Variants in MACF1 observed in about 807,000 individuals in gnomAD.
The protein encoded by MACF1 is microtubule actin crosslinking factor 1.
MACF1 carries 193 observed loss-of-function variants against 854.8 expected under a neutral mutation model. That is an observed-to-expected ratio of 0.23 (90% confidence interval 0.20 to 0.25). The LOEUF is 0.25. MACF1 is among the 10% of genes least tolerant of loss of function. MACF1 has a pLI of 1.00. For missense variants in MACF1, 7,722 were observed against 8,929.1 expected, an observed-to-expected ratio of 0.86 and a Z score of 5.45; for synonymous variants, 3,185 against 3,226.7, an observed-to-expected ratio of 0.99 and a Z score of 0.44.
At chr1:39,186,151 G>A (rs1172449461) in intron 2 of MACF1, among the ~76,000 whole-genome samples, 1 of 148,704 alleles carries the variant, frequency 6.7e-6, no homozygotes, top group South Asian at 2.1e-4. Flanking sequence ...GAATCCATGT[G>A]GGGGCTGGGA....
At chr1:39,419,245 C>G (rs1451773105) in intron 58 of MACF1, among the ~76,000 whole-genome samples, 2 of 152,132 alleles carry the variant, frequency 1.3e-5, no homozygotes, top group African/African-American at 2.4e-5. Context: ...GATACAAATA[C>G]CCATTGTCCC....
intron 56 of MACF1, among the ~76,000 whole-genome samples, chr1:39,383,808 C>T (rs112994234): frequency 0.056 from 8,428 of 151,286 alleles, 302 homozygotes; most frequent in African/African-American, 0.098. Flanking sequence ...ACTCGGGAGG[C>T]GAAGCTGACA....
In MACF1 at chr1:39,454,964, T is replaced by C; in HGVS notation, c.20942T>C (p.Leu6981Pro). ...CGTCTTGAAACGGCCTTGTCAGAAC[T>C]GGTGGCTAATGCTGAGCTCCTGGAA... ...QQRLETALSE[L>P]VANAELLEEL... is the part of the protein sequence containing the mutation. The change falls in exon 89 of 101, where the codon CTG becomes CCG. Residue 6981 changes from leucine (L) to proline (P), a missense_variant. Physicochemically the swap from Leu to Pro is moderately conservative, Grantham distance 98. Coordinates refer to ENST00000564288, the MANE Select transcript of MACF1 (RefSeq NM_001394062.1). 6.2e-7 allele frequency: 1 copy of C among 1,614,160 alleles called. No homozygotes were observed. The highest frequency in any genetic ancestry group is 1.1e-5 in the South Asian group (1 of 91,084).
At chr1:39,320,108 G>C (rs1335226264) in intron 31 of MACF1, among the ~76,000 whole-genome samples, 3 of 152,104 alleles carry the variant, frequency 2.0e-5, no homozygotes, top group African/African-American at 7.2e-5. Context: ...AAAAACCCAG[G>C]AGTCATCCTA....
Position 39,105,202 on chromosome 1 carries a change from C to T in MACF1, c.220+20764C>T, listed in dbSNP as rs1189882565. Among the ~76,000 whole-genome samples, 4 of 151,054 alleles carry T rather than the reference C, an allele frequency of 2.6e-5. No homozygotes were observed. Among genetic ancestry groups the T allele is most frequent in the Non-Finnish European group, 5.9e-5 (4 of 67,664 alleles). On this transcript the variant is annotated intron_variant, in intron 2 of 93. Transcript: ENST00000361689. The surrounding 1 kb of genome is among the most constrained non-coding windows in gnomAD (Gnocchi z 5.9). Reference sequence around the variant, plus strand: ...GCGGGGGTCGGCAGCCCCTGGGGGACCCGTGTGGGCAGCCCGGGCCCAGCC... The same window carrying T: ...GCGGGGGTCGGCAGCCCCTGGGGGATCCGTGTGGGCAGCCCGGGCCCAGCC...
At chr1:39,414,248 C>A (rs765065674) in intron 58 of MACF1, 2 of 1,614,052 alleles carry the variant, frequency 1.2e-6, no homozygotes, top group East Asian at 4.5e-5. Context: ...GCAGTGCCTC[C>A]TATGGAGGAA....
intron 2 of MACF1, among the ~76,000 whole-genome samples, chr1:39,159,807 A>C (rs1235564593): frequency 6.6e-6 from 1 of 152,110 alleles, no homozygotes; most frequent in Non-Finnish European, 1.5e-5. Context: ...TTCTGGACCC[A>C]GAGCAACCAT....
At position 39,105,330 on chromosome 1, in the gene MACF1, C is replaced by CGCCCGCCGCTGCA; in HGVS notation, c.220+20895_220+20896insCGCCGCTGCAGCC. 1 of 891,906 alleles carries CGCCCGCCGCTGCA rather than the reference C, an allele frequency of 1.1e-6. No homozygotes were observed. The highest frequency in any genetic ancestry group is 1.8e-5 in the African/African-American group (1 of 55,336). The allele number at this position is 891,906 out of a possible 1,614,324, so 55.2% of individuals were successfully genotyped here. On this transcript the variant is annotated intron_variant, in intron 2 of 93. Transcript: ENST00000361689. This position sits in a 1 kb window ranked among gnomAD's most constrained non-coding sequence, Gnocchi z 5.9. ...CGCTCCTGACAGGAGGAGCCGCCGC[C>CGCCCGCCGCTGCA]GCCGCCCGCCGCTGCAGCCGCGCCG...
intron 6 of MACF1, among the ~76,000 whole-genome samples, chr1:39,279,185 A>G (rs1383582620): frequency 6.6e-6 from 1 of 152,158 alleles, no homozygotes; most frequent in African/African-American, 2.4e-5. Flanking sequence ...GTACCTGTCA[A>G]GGGCATAAGA....
intron 2 of MACF1, among the ~76,000 whole-genome samples, chr1:39,168,250 G>A (rs998121212): frequency 6.6e-6 from 1 of 152,194 alleles, no homozygotes; most frequent in Non-Finnish European, 1.5e-5. Context: ...CTGTTTTGGA[G>A]TACTGGCATT....
In MACF1 at chr1:39,455,007, C is replaced by A; in HGVS notation, c.20985C>A (p.Ile6995=). 1 of 1,614,084 alleles carries A rather than the reference C, an allele frequency of 6.2e-7. No homozygotes were observed. The highest frequency in any genetic ancestry group is 1.3e-5 in the African/African-American group (1 of 75,012). ...TCCTGGAAGAACTTCTGGCATGGAT[C>A]CAGTGGGCTGAGACCACCCTCATTC... ...AELLEELLAW[I]QWAETTLIQR... is the part of the protein sequence containing the mutation. Residue 6995 remains isoleucine, a synonymous_variant, in exon 89 of 101, where the codon ATC becomes ATA. Coordinates refer to ENST00000564288, the MANE Select transcript of MACF1 (RefSeq NM_001394062.1).
chr1:39,413,066 C>A, intron 58 of MACF1: 1 of 1,598,360 alleles, frequency 6.3e-7, no homozygotes, highest in Non-Finnish European at 8.5e-7. Flanking sequence ...GAGACTGCTC[C>A]AGCTGTTGCA....
intron 46 of MACF1, 112 bp downstream of exon 46, chr1:39,358,985 C>A: frequency 1.4e-6 from 2 of 1,432,382 alleles, no homozygotes; most frequent in Admixed American, 4.6e-5. Flanking sequence ...GTTGGGATGC[C>A]TTGGACAAGA....
rs1418043310 is a variant in MACF1 at position 39,437,854 on chromosome 1, T to A, written c.18066T>A (p.Pro6022=). Residue 6022 remains proline, a synonymous_variant, in exon 71 of 101, where the codon CCT becomes CCA. Transcript: ENST00000564288. ...GCCTGCGTATGCCACCACTGATCCC[T>A]GCTGAAGTAGACAAGATCAGAGAGT... ...SSRLRMPPLI[P]AEVDKIRECI... 1.9e-6 allele frequency: 3 copies of A among 1,614,142 alleles called. No homozygotes were observed. The highest frequency in any genetic ancestry group is 2.5e-6 in the Non-Finnish European group (3 of 1,179,998).
In MACF1 at chr1:39,380,304, G is replaced by T. The variant is rs75661507; in HGVS notation, c.13579G>T (p.Ala4527Ser). ...AATTCAAAAAGTAAAGGAAGCCCTG[G>T]CTGGATTACTGGTGACATATCCCAA... ...PKIQKVKEALAGLLVTYPNSQ... is the reference protein window; with the variant it reads ...PKIQKVKEALSGLLVTYPNSQ... The change falls in exon 55 of 101, where the codon GCT (alanine) becomes TCT (serine). Residue 4527 changes from alanine (A) to serine (S), a missense_variant. By Grantham distance (99) the Ala-to-Ser change is moderately conservative. Coordinates refer to ENST00000564288, the MANE Select transcript of MACF1 (RefSeq NM_001394062.1). The T allele has an allele frequency of 7.4e-6, 12 of 1,613,714 alleles. No homozygotes were observed. The highest frequency in any genetic ancestry group is 6.7e-5 in the East Asian group (3 of 44,838).
chr1:39,421,117 G>A (rs926698863), intron 58 of MACF1, among the ~76,000 whole-genome samples: 16 of 152,124 alleles, frequency 1.1e-4, no homozygotes, highest in Non-Finnish European at 2.2e-4. Context: ...TGCCCGCCTC[G>A]GCCTCCCAAA....
At chr1:39,134,616 C>T (rs186544352) in intron 2 of MACF1, among the ~76,000 whole-genome samples, 76 of 152,208 alleles carry the variant, frequency 5.0e-4, no homozygotes, top group Non-Finnish European at 8.7e-4. Context: ...TTTCCTAATT[C>T]CCCATTTGTA....
At chr1:39,394,921 C>T (rs1642212629) in intron 58 of MACF1, among the ~76,000 whole-genome samples, 1 of 152,210 alleles carries the variant, frequency 6.6e-6, no homozygotes, top group African/African-American at 2.4e-5. Flanking sequence ...TGCCAACCCC[C>T]ACCTTGTGCT....
chr1:39,121,104 A>G (rs1370696095), intron 2 of MACF1: 3 of 152,196 alleles, frequency 2.0e-5, no homozygotes, highest in Admixed American at 6.5e-5. Context: ...TTTCCCTAGC[A>G]CCTAGAAGAG....
Sources: allele counts gnomAD v4.1 joint callset (sites outside exome capture counted in the v4.1 genomes callset), GRCh38; gene constraint gnomAD v4.1.1; non-coding constraint Gnocchi (gnomAD v3.1); transcripts MANE v1.5; gene names NCBI Gene and HGNC (gene_info 2026-07-23, HGNC 2026-07-21).